Variants in SLCO4A1 observed in about 807,000 individuals in gnomAD.
The protein encoded by SLCO4A1 is solute carrier organic anion transporter family member 4A1.
Under a neutral mutation model 64.6 loss-of-function variants are expected in SLCO4A1, and 51 were observed. The observed-to-expected ratio is 0.79, with a 90% CI of 0.63 to 1.00. The LOEUF is 1.00. Ranked by LOEUF, SLCO4A1 falls within the 50% of genes least tolerant of loss-of-function variation. The pLI, the probability that SLCO4A1 is intolerant of heterozygous loss-of-function variation, is 0.00. For missense variants in SLCO4A1, 919 were observed against 980.5 expected (o/e 0.94, Z 0.84); for synonymous variants, 471 against 444.9 (o/e 1.06, Z -0.74).
downstream of SLCO4A1, among the ~76,000 whole-genome samples, chr20:62,674,700 C>T (rs756682801): frequency 3.3e-5 from 5 of 152,176 alleles, no homozygotes; most frequent in African/African-American, 7.2e-5. Context: ...AGCCCCAGCA[C>T]CCAGTGTGAT....
Position 62,685,427 on chromosome 20 carries a change from G to C in SLCO4A1, n.212-14G>C. Reference sequence around the variant, plus strand: ...GGGCTGTTTTCTTGCTTTGTTTGTTGTTTTTTTCTTAAGGAAGAAGAGAAT... The same window carrying C: ...GGGCTGTTTTCTTGCTTTGTTTGTTCTTTTTTTCTTAAGGAAGAAGAGAAT... On this transcript the variant is annotated splice_polypyrimidine_tract_variant and intron_variant and non_coding_transcript_variant, in intron 2 of 2. Coordinates refer to the SLCO4A1 transcript ENST00000466818. This position sits in a 1 kb window ranked among gnomAD's most constrained non-coding sequence, Gnocchi z 4.6. The C allele has an allele frequency of 1.0e-6, 1 of 984,956 alleles. No homozygotes were observed. Among genetic ancestry groups the C allele is most frequent in the South Asian group, 4.7e-5 (1 of 21,280 alleles). The allele number at this position is 984,956 out of a possible 1,614,324, so 61.0% of individuals were successfully genotyped here. A position where few individuals can be genotyped will look rare whatever the true frequency, so the allele number is the denominator to read the frequency against.
At chr20:62,675,143 G>A (rs1987528215), downstream of SLCO4A1, among the ~76,000 whole-genome samples, 1 of 152,196 alleles carries the variant, frequency 6.6e-6, no homozygotes, top group Non-Finnish European at 1.5e-5. Context: ...TGTTCGCACA[G>A]GGCACACAGT....
intron 1 of SLCO4A1, among the ~76,000 whole-genome samples, chr20:62,648,598 T>C: frequency 6.6e-6 from 1 of 152,234 alleles, no homozygotes; most frequent in East Asian, 1.9e-4. Flanking sequence ...GAGAGGACCC[T>C]ACTCCATGGA....
At chr20:62,670,763 C>T (rs1157818809) in intron 11 of SLCO4A1, among the ~76,000 whole-genome samples, 1 of 152,242 alleles carries the variant, frequency 6.6e-6, no homozygotes, top group East Asian at 1.9e-4. Context: ...CAGAGTTGGC[C>T]TCAGCAGCGC....
At chr20:62,654,362 G>C (rs1037279990) in intron 1 of SLCO4A1, among the ~76,000 whole-genome samples, 1 of 152,238 alleles carries the variant, frequency 6.6e-6, no homozygotes, top group African/African-American at 2.4e-5. Context: ...CCAGGTGAAC[G>C]TGACTGCCCG....
At chr20:62,651,586 C>T (rs1006948938) in intron 1 of SLCO4A1, 5 of 152,234 alleles carry the variant, frequency 3.3e-5, no homozygotes, top group African/African-American at 1.2e-4. Context: ...AGGTAACTTT[C>T]GGCTGAGCTT....
Position 62,672,071 on chromosome 20 carries a change from G to T in SLCO4A1, c.*178G>T. The stretch of plus-strand genomic sequence containing the variant: ...CCAGAGCTGTACGGCCCTGCAGTGG[G>T]TGGGAGGAACTTGCATAAATATATA... On this transcript the variant is annotated 3_prime_UTR_variant, in exon 12 of 12. Transcript: ENST00000217159. 1 of 1,484,510 alleles carries T rather than the reference G, an allele frequency of 6.7e-7. No homozygotes were observed. Among genetic ancestry groups the T allele is most frequent in the Non-Finnish European group, 8.9e-7 (1 of 1,119,266 alleles). The allele number at this position is 1,484,510 out of a possible 1,614,324, so 92.0% of individuals were successfully genotyped here.
At chr20:62,652,831 A>G (rs1335825054) in intron 1 of SLCO4A1, among the ~76,000 whole-genome samples, 1 of 152,232 alleles carries the variant, frequency 6.6e-6, no homozygotes, top group Non-Finnish European at 1.5e-5. Context: ...TACGGCCTCA[A>G]ACAGCCTCCC....
chr20:62,682,912 C>T (rs1310485458), intron 2 of SLCO4A1, among the ~76,000 whole-genome samples: 1 of 152,194 alleles, frequency 6.6e-6, no homozygotes, highest in African/African-American at 2.4e-5. Context: ...AGCATGAGGA[C>T]GGCCAGCATC....
At chr20:62,663,063 A>G (rs2282314) in intron 5 of SLCO4A1, 55,603 of 152,126 alleles carry the variant, frequency 0.37, 10,313 homozygotes, top group African/African-American at 0.37. Flanking sequence ...CATTTTAATC[A>G]GGGAAGGGGA....
At chr20:62,655,706 G>A (rs191547813) in intron 1 of SLCO4A1, among the ~76,000 whole-genome samples, 84 of 152,310 alleles carry the variant, frequency 5.5e-4, no homozygotes, top group Admixed American at 1.4e-3. Context: ...AGCAGCGGCC[G>A]GAGCTTGGCG....
chr20:62,686,041 T>TG (rs199709754), downstream of SLCO4A1, among the ~76,000 whole-genome samples: 2,019 of 152,236 alleles, frequency 0.013, 20 homozygotes, highest in Non-Finnish European at 0.02. Flanking sequence ...CTCCGGGGAC[T>TG]GGGGGGCTTC....
At position 62,644,825 on chromosome 20, in the gene SLCO4A1, T is replaced by C. The variant is rs566958165; in HGVS notation, c.-97+2272T>C. The stretch of plus-strand genomic sequence containing the variant: ...GGGTCCTGGTGCTCTCCCCAGCAGA[T>C]GGTTGTAGGTGGTCAGAGATGAGCC... On this transcript the variant is annotated intron_variant, in intron 1 of 11. Coordinates refer to ENST00000217159, the MANE Select transcript of SLCO4A1 (RefSeq NM_016354.4). This position sits in a 1 kb window ranked among gnomAD's most constrained non-coding sequence, Gnocchi z 5.4. Among the ~76,000 whole-genome samples the C allele has an allele frequency of 1.2e-4, 19 of 152,258 alleles. No homozygotes were observed. The highest frequency in any genetic ancestry group is 1.9e-4 in the Non-Finnish European group (13 of 68,010).
In SLCO4A1 at chr20:62,656,691, G is replaced by T. The variant is rs780996923; in HGVS notation, c.237G>T (p.Ser79=). ...ARGTHEVRYV[S]AGQSVACGWW... ...GGACCCATGAGGTGCGGTACGTCTC[G>T]GCCGGGCAGAGCGTGGCGTGCGGCT... Residue 79 remains serine (S), a synonymous_variant, in exon 2 of 12, where the codon TCG becomes TCT. Coordinates refer to ENST00000217159, the MANE Select transcript of SLCO4A1 (RefSeq NM_016354.4). 4 of 1,609,688 alleles carry T rather than the reference G, an allele frequency of 2.5e-6. No homozygotes were observed. The highest frequency in any genetic ancestry group is 3.4e-6 in the Non-Finnish European group (4 of 1,178,556).
intron 2 of SLCO4A1, 118 bp from the exon 3 acceptor site, chr20:62,658,559 G>A: frequency 1.4e-6 from 1 of 740,420 alleles, no homozygotes; most frequent in Non-Finnish European, 2.3e-6. Context: ...CATGAGGGGA[G>A]TGGGCCGGAG....
In SLCO4A1 at chr20:62,667,996, T is replaced by C. The variant is rs560333837; in HGVS notation, c.1639-16T>C. ...TGCCTTCCCCTTGTAATCGGAGCTATTGTTGGGCTTCCCAGGTGTACCGAG... is the reference window on the plus strand; with the variant it reads ...TGCCTTCCCCTTGTAATCGGAGCTACTGTTGGGCTTCCCAGGTGTACCGAG... On this transcript the variant is annotated splice_polypyrimidine_tract_variant and intron_variant, in intron 8 of 11. Transcript: ENST00000217159. The C allele has an allele frequency of 1.9e-6, 3 of 1,614,032 alleles. No homozygotes were observed. Among genetic ancestry groups the C allele is most frequent in the South Asian group, 1.1e-5 (1 of 91,084 alleles).
intron 3 of SLCO4A1, 56 bp downstream of exon 3, chr20:62,658,823 G>A: frequency 1.4e-6 from 2 of 1,442,306 alleles, no homozygotes; most frequent in South Asian, 1.2e-5. Context: ...GTCTCTGGAA[G>A]GGGGTTCAGA....
chr20:62,663,992 AC>A (rs1375924748), intron 5 of SLCO4A1, among the ~76,000 whole-genome samples: 1 of 151,572 alleles, frequency 6.6e-6, no homozygotes, highest in African/African-American at 2.4e-5. Context: ...GCCTCCATTC[AC>A]CCCCCAGGGC....
intron 2 of SLCO4A1, among the ~76,000 whole-genome samples, chr20:62,684,151 C>T (rs909562028): frequency 6.6e-6 from 1 of 152,206 alleles, no homozygotes; most frequent in African/African-American, 2.4e-5. Flanking sequence ...ACGCGCTTCC[C>T]ACACACACTC....
Sources: allele counts gnomAD v4.1 joint callset (sites outside exome capture counted in the v4.1 genomes callset), GRCh38; gene constraint gnomAD v4.1.1; non-coding constraint Gnocchi (gnomAD v3.1); transcripts MANE v1.5; gene names NCBI Gene and HGNC (gene_info 2026-07-23, HGNC 2026-07-21).